Variants in RBFOX3 observed in about 807,000 individuals in gnomAD.
The protein encoded by RBFOX3 is RNA binding protein fox-1 homolog 3.
Under a neutral mutation model 48.7 loss-of-function variants are expected in RBFOX3, and 17 were observed. The observed-to-expected ratio is 0.35, with a 90% CI of 0.24 to 0.52. The LOEUF (loss-of-function observed/expected upper bound fraction) is 0.52. RBFOX3 is among the 20% of genes least tolerant of loss of function. The probability of loss-of-function intolerance (pLI) is 0.94; values close to 1 mark genes in which losing one functional copy is unlikely to be tolerated. For missense variants in RBFOX3, 382 were observed against 497.5 expected (o/e 0.77, Z 2.21); for synonymous variants, 212 against 209.5 (o/e 1.01, Z -0.10).
chr17:79,420,890 C>A (rs904334691), intron 2 of RBFOX3, among the ~76,000 whole-genome samples: 1 of 152,196 alleles, frequency 6.6e-6, no homozygotes, highest in East Asian at 1.9e-4. Context: ...TGGGGTCTCA[C>A]GGGATCAGCT....
chr17:79,363,796 T>C lies in RBFOX3; in HGVS notation c.-174-55972A>G, dbSNP rs2057343322. Among the ~76,000 whole-genome samples the C allele has an allele frequency of 6.6e-6, 1 of 151,736 alleles. No individual in the cohort carries two copies. Among genetic ancestry groups the C allele is most frequent in the Non-Finnish European group, 1.5e-5 (1 of 67,946 alleles). ...GCAGCCTGGGTCTGACTGAGGAAGGTCAATCAGCTCGCACCCCTGCCCCAC... is the reference window on the plus strand; with the variant it reads ...GCAGCCTGGGTCTGACTGAGGAAGGCCAATCAGCTCGCACCCCTGCCCCAC... On this transcript the variant is annotated intron_variant, in intron 2 of 14. Coordinates refer to ENST00000693108, the MANE Select transcript of RBFOX3 (RefSeq NM_001350451.2). This position sits in a 1 kb window ranked among gnomAD's most constrained non-coding sequence, Gnocchi z 4.7.
At position 79,396,878 on chromosome 17, in the gene RBFOX3, G is replaced by A. The variant is rs552761072; in HGVS notation, c.-175+85576C>T. On this transcript the variant is annotated intron_variant, in intron 2 of 14. Transcript: ENST00000693108. Reference sequence around the variant, plus strand: ...GAGTGCAGCTTCCAGCGCCTCCACCGGTCACGGGTCCGTGAAGCCGGGCCA... The same window carrying A: ...GAGTGCAGCTTCCAGCGCCTCCACCAGTCACGGGTCCGTGAAGCCGGGCCA... 5.3e-5 allele frequency among the ~76,000 whole-genome samples: 8 copies of A among 152,350 alleles called. No individual in the cohort carries two copies. The Middle Eastern group carries it at 0.01, about 194-fold the overall frequency.
chr17:79,396,622 C>G (rs1357832386), intron 2 of RBFOX3, among the ~76,000 whole-genome samples: 1 of 152,174 alleles, frequency 6.6e-6, no homozygotes, highest in Non-Finnish European at 1.5e-5. Context: ...GTGCTGGCCA[C>G]CCCGTCATTA....
At chr17:79,291,197 A>G (rs935440495) in intron 3 of RBFOX3, among the ~76,000 whole-genome samples, 1 of 152,262 alleles carries the variant, frequency 6.6e-6, no homozygotes, top group Non-Finnish European at 1.5e-5. Context: ...AATTAATAGC[A>G]TAAATGTCAA....
At chr17:79,495,762 G>A (rs1385419846) in intron 1 of RBFOX3, among the ~76,000 whole-genome samples, 2 of 147,684 alleles carry the variant, frequency 1.4e-5, no homozygotes, top group East Asian at 2.1e-4. Flanking sequence ...GGTAGGGCAC[G>A]GGGCAGGGGA....
intron 2 of RBFOX3, among the ~76,000 whole-genome samples, chr17:79,416,080 G>A (rs1181261649): frequency 1.3e-5 from 2 of 152,218 alleles, no homozygotes; most frequent in Non-Finnish European, 2.9e-5. Context: ...GGTCCATGTG[G>A]TGCAACGGAG....
intron 2 of RBFOX3, among the ~76,000 whole-genome samples, chr17:79,314,017 G>A (rs71387912): frequency 0.018 from 2,741 of 152,326 alleles, 31 homozygotes; most frequent in Middle Eastern, 0.048. Flanking sequence ...GTAGCCAGGT[G>A]GCCTCAGAGG....
intron 4 of RBFOX3, among the ~76,000 whole-genome samples, chr17:79,178,970 G>A (rs1384866636): frequency 1.3e-5 from 2 of 152,128 alleles, no homozygotes; most frequent in Non-Finnish European, 2.9e-5. Flanking sequence ...TCCTCCCTCC[G>A]CTGGCCAGTG....
At chr17:79,402,860 G>A (rs746713177) in intron 2 of RBFOX3, among the ~76,000 whole-genome samples, 1 of 152,128 alleles carries the variant, frequency 6.6e-6, no homozygotes, top group Non-Finnish European at 1.5e-5. Context: ...GGGGGTGTGA[G>A]CAGTACCTAC....
At chr17:79,615,450 T>C (rs2093990020), upstream of RBFOX3, among the ~76,000 whole-genome samples, 1 of 151,990 alleles carries the variant, frequency 6.6e-6, no homozygotes, top group Non-Finnish European at 1.5e-5. Context: ...AGGGCAGCTG[T>C]GTACCGGGCA....
chr17:79,181,989 AC>A, intron 4 of RBFOX3, among the ~76,000 whole-genome samples: 1 of 151,322 alleles, frequency 6.6e-6, no homozygotes, highest in Non-Finnish European at 1.5e-5. Flanking sequence ...ACACACACAC[AC>A]ACACACACAC....
chr17:79,161,976 T>C (rs1056724009), intron 4 of RBFOX3, among the ~76,000 whole-genome samples: 12 of 152,122 alleles, frequency 7.9e-5, no homozygotes, highest in Non-Finnish European at 1.5e-4. Context: ...CCAGCGGGAC[T>C]TTTGGGGGAC....
At position 79,503,988 on chromosome 17, in the gene RBFOX3, TGGGCG is replaced by T. The variant is rs2082718158; in HGVS notation, c.-319-21395_-319-21391del. 2.6e-5 allele frequency among the ~76,000 whole-genome samples: 4 copies of T among 151,810 alleles called. No individual in the cohort carries two copies. In the South Asian group the frequency reaches 6.2e-4, roughly 24 times the overall value. ...CCAGTCAAGGAAATGGGAAGGTGGG[TGGGCG>T]GGGTGGCAGGGTGCTCCAGGTGGCA... On this transcript the variant is annotated intron_variant, in intron 1 of 14. Coordinates refer to ENST00000693108, the MANE Select transcript of RBFOX3 (RefSeq NM_001350451.2).
chr17:79,366,149 T>C (rs1307152464), intron 2 of RBFOX3, among the ~76,000 whole-genome samples: 1 of 152,158 alleles, frequency 6.6e-6, no homozygotes, highest in African/African-American at 2.4e-5. Context: ...ATCAACCCGG[T>C]CACTAGGAAA....
chr17:79,636,238 A>G, the RBFOX3 span, among the ~76,000 whole-genome samples: 1 of 152,202 alleles, frequency 6.6e-6, no homozygotes, highest in Non-Finnish European at 1.5e-5. Context: ...CAGTACACAT[A>G]AAATTCCATT....
intron 2 of RBFOX3, among the ~76,000 whole-genome samples, chr17:79,461,360 C>T (rs2075343929): frequency 6.6e-6 from 1 of 152,216 alleles, no homozygotes; most frequent in Admixed American, 6.5e-5. Context: ...CTTCTGAATA[C>T]CACCACCCAA....
intron 12 of RBFOX3, among the ~76,000 whole-genome samples, chr17:79,095,925 G>A (rs981129758): frequency 1.3e-5 from 2 of 152,212 alleles, no homozygotes; most frequent in African/African-American, 4.8e-5. Context: ...CTAGGCCTTG[G>A]CAAGGAAGAG....
At chr17:79,267,831 G>A (rs762765689) in intron 3 of RBFOX3, among the ~76,000 whole-genome samples, 3 of 152,148 alleles carry the variant, frequency 2.0e-5, no homozygotes, top group Admixed American at 6.5e-5. Flanking sequence ...AAACCTGGGC[G>A]TGTCAACTGG....
chr17:79,376,230 TC>T (rs1314867414), intron 2 of RBFOX3, among the ~76,000 whole-genome samples: 2 of 152,290 alleles, frequency 1.3e-5, no homozygotes, highest in East Asian at 3.9e-4. Context: ...TCCCAGGGAC[TC>T]CCAGCCTGGA....
Sources: gnomAD v4.1 joint callset for allele counts (sites outside exome capture counted in the v4.1 genomes callset) on GRCh38, gnomAD v4.1.1 for gene constraint, Gnocchi (gnomAD v3.1) non-coding constraint, MANE v1.5 for transcripts, NCBI Gene and HGNC (gene_info 2026-07-23, HGNC 2026-07-21) for gene names.